The following UTS2 variants were observed in gnomAD, a reference collection of about 807,000 sequenced individuals.
UTS2 encodes urotensin 2.
A neutral mutation model predicts 12.6 loss-of-function variants in UTS2; 10 were observed. That is an observed-to-expected ratio of 0.80 (90% CI 0.49 to 1.35). UTS2 has a LOEUF of 1.35. UTS2 is among the 40% of genes most tolerant of loss of function. The probability of loss-of-function intolerance (pLI) is 0.00; values close to 1 mark genes in which losing one functional copy is unlikely to be tolerated. For synonymous variants in UTS2, 52 were observed against 50.0 expected, an observed-to-expected ratio of 1.04 and a Z score of -0.17; for missense variants, 142 against 143.2, an observed-to-expected ratio of 0.99 and a Z score of 0.04.
chr1:7,876,211 C>G, the UTS2 span, among the ~76,000 whole-genome samples: 3 of 152,228 alleles, frequency 2.0e-5, no homozygotes, highest in South Asian at 2.1e-4. Context: ...TGTCTGGGCC[C>G]GGGGGATCAA....
the UTS2 span, among the ~76,000 whole-genome samples, chr1:7,872,321 GAAAAGAAAAAAAAAGA>G: frequency 5.8e-5 from 5 of 86,070 alleles, no homozygotes; most frequent in South Asian, 3.8e-4. Context: ...AAAAAAAAAG[GAAAAGAAAAAAAAAGA>G]AAAAGAAAAA....
chr1:7,892,286 C>T, the UTS2 span, among the ~76,000 whole-genome samples: 2 of 152,052 alleles, frequency 1.3e-5, no homozygotes, highest in Admixed American at 6.6e-5. Flanking sequence ...GAGCTAAGAT[C>T]GAGCGGTCAC....
chr1:7,910,230 T>A, the UTS2 span, among the ~76,000 whole-genome samples: 1 of 151,960 alleles, frequency 6.6e-6, no homozygotes, highest in Admixed American at 6.6e-5. Context: ...AACCCCTTTT[T>A]CCCAAAGCCA....
the UTS2 span, among the ~76,000 whole-genome samples, chr1:7,884,842 A>G: frequency 1.3e-5 from 2 of 151,006 alleles, no homozygotes; most frequent in African/African-American, 2.4e-5. Context: ...CCCATCATAC[A>G]CCCACCATCT....
At chr1:7,898,347 C>A in the UTS2 span, among the ~76,000 whole-genome samples, 1 of 152,026 alleles carries the variant, frequency 6.6e-6, no homozygotes. Context: ...TAAATGCCAG[C>A]CTGGAAAAAA....
chr1:7,883,249 AATTC>A, the UTS2 span, among the ~76,000 whole-genome samples: 3 of 152,248 alleles, frequency 2.0e-5, no homozygotes, highest in Non-Finnish European at 4.4e-5. Context: ...ATTGAACTTG[AATTC>A]ATTATGTTAG....
the UTS2 span, among the ~76,000 whole-genome samples, chr1:7,912,989 T>A: frequency 3.0e-5 from 2 of 66,588 alleles, no homozygotes; most frequent in African/African-American, 1.3e-4. Context: ...GTATAGCTTT[T>A]TCTTTTTTTT....
intron 1 of UTS2, among the ~76,000 whole-genome samples, chr1:7,852,175 A>C (rs2151383362): frequency 6.6e-6 from 1 of 152,336 alleles, no homozygotes; most frequent in East Asian, 1.9e-4. Context: ...ATTTAAAAAA[A>C]GCCTATTTAA....
upstream of UTS2, among the ~76,000 whole-genome samples, chr1:7,855,758 G>C (rs542451420): frequency 2.0e-5 from 3 of 151,962 alleles, no homozygotes; most frequent in East Asian, 5.8e-4. Context: ...CTGGAGTTCA[G>C]TGGCGTGATC....
At chr1:7,896,411 T>G in the UTS2 span, among the ~76,000 whole-genome samples, 1 of 152,178 alleles carries the variant, frequency 6.6e-6, no homozygotes, top group Non-Finnish European at 1.5e-5. Context: ...AACTGAGCAT[T>G]AATCTTATAA....
chr1:7,909,857 A>G, the UTS2 span, among the ~76,000 whole-genome samples: 1 of 152,160 alleles, frequency 6.6e-6, no homozygotes, highest in East Asian at 2.0e-4. Flanking sequence ...CCTGACCTCA[A>G]GTGATCTGCC....
At chr1:7,906,477 AAG>A in the UTS2 span, among the ~76,000 whole-genome samples, 1 of 149,002 alleles carries the variant, frequency 6.7e-6, no homozygotes, top group East Asian at 2.0e-4. Flanking sequence ...GAAAGAAAGA[AAG>A]AAAGAAAGAA....
the UTS2 span, among the ~76,000 whole-genome samples, chr1:7,861,915 CT>C: frequency 7.5e-3 from 1,072 of 142,878 alleles, 11 homozygotes; most frequent in African/African-American, 0.024. Flanking sequence ...CAAAACACCT[CT>C]TTTTTTTTTT....
At chr1:7,903,451 A>G in the UTS2 span, among the ~76,000 whole-genome samples, 1 of 151,672 alleles carries the variant, frequency 6.6e-6, no homozygotes, top group Non-Finnish European at 1.5e-5. Context: ...CAATGGCGCA[A>G]TCTCAGCTCA....
chr1:7,888,806 G>A, the UTS2 span, among the ~76,000 whole-genome samples: 1 of 152,174 alleles, frequency 6.6e-6, no homozygotes, highest in African/African-American at 2.4e-5. Flanking sequence ...GAGGAACACA[G>A]GGGCTGACTG....
the UTS2 span, among the ~76,000 whole-genome samples, chr1:7,910,068 TA>T: frequency 6.6e-6 from 1 of 152,162 alleles, no homozygotes. Flanking sequence ...TAAAGCTTAA[TA>T]TATGACATTG....
chr1:7,896,646 T>C, the UTS2 span, among the ~76,000 whole-genome samples: 1 of 152,128 alleles, frequency 6.6e-6, no homozygotes, highest in Non-Finnish European at 1.5e-5. Context: ...TGCTAGACTT[T>C]TTTCAATTTT....
At chr1:7,906,507 G>GAA in the UTS2 span, among the ~76,000 whole-genome samples, 1 of 131,268 alleles carries the variant, frequency 7.6e-6, no homozygotes, top group African/African-American at 2.8e-5. Context: ...AAGAAAGAAA[G>GAA]AAAAGAGGGA....
At chr1:7,863,761 C>T in the UTS2 span, among the ~76,000 whole-genome samples, 1 of 152,214 alleles carries the variant, frequency 6.6e-6, no homozygotes, top group Non-Finnish European at 1.5e-5. Context: ...TGTGTAAGAA[C>T]CCCCCATCCC....
Sources: allele counts gnomAD v4.1 joint callset (sites outside exome capture counted in the v4.1 genomes callset), GRCh38; gene constraint gnomAD v4.1.1; transcripts MANE v1.5; gene names NCBI Gene and HGNC (gene_info 2026-07-23, HGNC 2026-07-21).